NEB: variants seen among roughly 807,000 people sequenced by gnomAD.
The protein encoded by NEB is nemaline myopathy type 2.
In NEB, 512 loss-of-function variants were observed where a neutral mutation model predicts 952.2. The ratio of observed to expected loss-of-function variants is 0.54; its 90% CI spans 0.50 to 0.58. NEB has a LOEUF of 0.58. Among genes scored for constraint, NEB ranks in the 20% least tolerant of loss-of-function variants. The pLI is 0.00. For missense variants in NEB, 8,428 were observed against 9,231.1 expected (o/e 0.91, Z 3.56); for synonymous variants, 2,900 against 3,149.8 (o/e 0.92, Z 2.66).
In NEB at chr2:151,717,294, T is replaced by C. The variant is rs142872250; in HGVS notation, c.822+122A>G. On this transcript the variant is annotated intron_variant, in intron 10 of 181. Coordinates refer to ENST00000397345, the MANE Select transcript of NEB (RefSeq NM_001164508.2). ...TGCTGTAGAGTCTTTGGGGATCATA[T>C]GTAAAAATACTCCTAGTGTTTGTGT... is the stretch of plus-strand genomic sequence containing the variant. 3.2e-4 allele frequency: 236 copies of C among 731,426 alleles called. 1 individual carries two copies. The African/African-American group carries it at 3.3e-3, about 10-fold the overall frequency. 45.3% of individuals were successfully genotyped at this position (731,426 alleles called of 1,614,324 possible). A position where few individuals can be genotyped will look rare whatever the true frequency, so the allele number is the denominator to read the frequency against.
Position 151,727,732 on chromosome 2 carries a change from AG to A in NEB, c.252del (p.Tyr85ThrfsTer66). The A allele has an allele frequency of 6.2e-7, 1 of 1,613,624 alleles. No individual in the cohort carries two copies. Among genetic ancestry groups the A allele is most frequent in the Non-Finnish European group, 8.5e-7 (1 of 1,179,688 alleles). On this transcript the variant is annotated frameshift_variant, in exon 5 of 182. Transcript: ENST00000397345. LOFTEE classifies it high-confidence loss of function. ...KKVDPSKFMT[P>X]YIAHSQKMQD... ...TGCATTTTCTGACTGTGTGCAATGT[AG>A]GGGGTCATGAACTTTGAAGGATCCA...
chr2:151,730,563 G>A (rs1445755136), intron 3 of NEB, among the ~76,000 whole-genome samples: 1 of 146,776 alleles, frequency 6.8e-6, no homozygotes, highest in Non-Finnish European at 1.5e-5. Flanking sequence ...GCTCGTTTAG[G>A]CCAAGCACAT....
Position 151,650,283 on chromosome 2 carries a change from T to C in NEB, c.7324A>G (p.Ile2442Val), listed in dbSNP as rs1553447698. ...AEKNKRASEI[I>V]SEKKYRQPPD... ...GGCTGACGATATTTCTTCTCACTGA[T>C]GATTTCCGAAGCCCGCTTGTTCTTT... Residue 2442 changes from isoleucine (I) to valine (V), a missense_variant, in exon 54 of 182, where the codon ATC becomes GTC. By Grantham distance (29) the Ile-to-Val change is conservative (BLOSUM62 3). This residue lies in a region of NEB where 1,772 missense variants were observed against 1,960.3 expected (regional missense o/e 0.90). Transcript: ENST00000397345. The C allele has an allele frequency of 1.2e-6, 2 of 1,613,928 alleles. No homozygotes were observed. Among genetic ancestry groups the C allele is most frequent in the Non-Finnish European group, 1.7e-6 (2 of 1,179,862 alleles).
At chr2:151,521,566 G>A (rs2082029346) in intron 153 of NEB, among the ~76,000 whole-genome samples, 1 of 152,194 alleles carries the variant, frequency 6.6e-6, no homozygotes, top group African/African-American at 2.4e-5. Context: ...CAGAGTCAGA[G>A]TAGGGAAGAA....
chr2:151,619,601 G>A lies in NEB; in HGVS notation c.10722C>T (p.Ser3574=). ...AAACGATACCAAGCATGTCCACTGGGCTGCTGTACCTTGTCTTGTATTTCT... is the reference window on the plus strand; with the variant it reads ...AAACGATACCAAGCATGTCCACTGGACTGCTGTACCTTGTCTTGTATTTCT... ...DFEKYKTRYS[S]PVDMLGIVLA... is the part of the protein sequence containing the mutation. Residue 3574 remains serine (S), a synonymous_variant, in exon 73 of 182, where the codon AGC becomes AGT. Transcript: ENST00000397345. 6.2e-7 allele frequency: 1 copy of A among 1,613,948 alleles called. No homozygotes were observed. The highest frequency in any genetic ancestry group is 8.5e-7 in the Non-Finnish European group (1 of 1,179,876).
At chr2:151,498,423 T>A (rs578076414) in intron 169 of NEB, 71 bp from the exon 170 acceptor site, 2 of 1,103,652 alleles carry the variant, frequency 1.8e-6, no homozygotes, top group Non-Finnish European at 2.6e-6. Context: ...TTTGGAGCAG[T>A]TGGGAGTGGG....
intron 108 of NEB, 50 bp from the exon 109 acceptor site, chr2:151,570,442 C>A (rs1339067861): frequency 4.4e-6 from 7 of 1,583,698 alleles, no homozygotes; most frequent in Non-Finnish European, 6.0e-6. Context: ...CCTCTTGATG[C>A]ACCTAGGGCA....
intron 113 of NEB, 52 bp from the exon 114 acceptor site, chr2:151,567,531 A>G: frequency 6.7e-7 from 1 of 1,501,592 alleles, no homozygotes; most frequent in Admixed American, 2.1e-5. Flanking sequence ...CACACAAGGC[A>G]GAGGGGGCTT....
At chr2:151,496,442 G>A (rs1292279255) in intron 172 of NEB, 74 bp from the exon 173 acceptor site, 4 of 1,505,770 alleles carry the variant, frequency 2.7e-6, no homozygotes, top group Middle Eastern at 1.7e-4. Context: ...TAAGGGTAAG[G>A]TCAACTTCCT....
In NEB at chr2:151,642,671, T is replaced by A. The variant is rs1382018237; in HGVS notation, c.8276A>T (p.Lys2759Met). The change falls in exon 60 of 182, where the codon AAG (lysine) becomes ATG (methionine). Residue 2759 changes from lysine (K) to methionine (M), a missense_variant. Lys to Met is a moderately conservative substitution (Grantham distance 95, BLOSUM62 -1). This residue lies in a region of NEB where 1,772 missense variants were observed against 1,960.3 expected (regional missense o/e 0.90). Coordinates refer to ENST00000397345, the MANE Select transcript of NEB (RefSeq NM_001164508.2). ...NKVNYSEKLYKLGLEEAKRKG... is the reference protein window; with the variant it reads ...NKVNYSEKLYMLGLEEAKRKG... ...CCTCTTGGCTTCTTCTAGGCCAAGCTTATACAATTTCTAAAATAGACATTA... is the reference window on the plus strand; with the variant it reads ...CCTCTTGGCTTCTTCTAGGCCAAGCATATACAATTTCTAAAATAGACATTA... 1 of 1,613,744 alleles carries A rather than the reference T, an allele frequency of 6.2e-7. No individual in the cohort carries two copies. Among genetic ancestry groups the A allele is most frequent in the South Asian group, 1.1e-5 (1 of 91,020 alleles).
At chr2:151,667,962 T>G in intron 39 of NEB, 51 bp from the exon 40 acceptor site, 1 of 1,394,150 alleles carries the variant, frequency 7.2e-7, no homozygotes, top group South Asian at 1.2e-5. Flanking sequence ...AAAAGAGGAA[T>G]GAAACAGAAT....
At chr2:151,635,980 A>G (rs957494979) in intron 64 of NEB, among the ~76,000 whole-genome samples, 3 of 152,224 alleles carry the variant, frequency 2.0e-5, no homozygotes, top group Non-Finnish European at 2.9e-5. Context: ...CAGGGTCCAC[A>G]TGAATGAATC....
At position 151,697,370 on chromosome 2, in the gene NEB, C is replaced by T; in HGVS notation, c.1345G>A (p.Val449Ile). 6.2e-7 allele frequency: 1 copy of T among 1,613,882 alleles called. No homozygotes were observed. The highest frequency in any genetic ancestry group is 8.5e-7 in the Non-Finnish European group (1 of 1,179,774). Reference sequence around the variant, plus strand: ...CTTACATCACTGTTTTGAGCTGTGACTTTCATGCAGTGTGAATGGTATGGA... The same window carrying T: ...CTTACATCACTGTTTTGAGCTGTGATTTTCATGCAGTGTGAATGGTATGGA... The part of the protein sequence containing the change: ...EDPYHSHCMK[V>I]TAQNSDKNYK... The change falls in exon 15 of 182, where the codon GTC becomes ATC. Residue 449 changes from valine (V) to isoleucine (I), a missense_variant. Val to Ile is a conservative substitution (Grantham distance 29). This residue lies in a region of NEB where 2,851 missense variants were observed against 2,791.5 expected (regional missense o/e 1.02). Transcript: ENST00000397345.
chr2:151,685,152 G>A (rs73007946), intron 27 of NEB, among the ~76,000 whole-genome samples, 177 bp from the exon 28 acceptor site: 166 of 152,184 alleles, frequency 1.1e-3, no homozygotes, highest in African/African-American at 3.8e-3. Flanking sequence ...CAAAAAGCAC[G>A]CATGGGCAGA....
chr2:151,567,535 G>A, intron 113 of NEB, 56 bp from the exon 114 acceptor site: 2 of 1,490,236 alleles, frequency 1.3e-6, no homozygotes. Flanking sequence ...CAAGGCAGAG[G>A]GGGCTTGATC....
chr2:151,551,156 A>G (rs1310076974), intron 129 of NEB, among the ~76,000 whole-genome samples: 1 of 151,770 alleles, frequency 6.6e-6, no homozygotes, highest in Non-Finnish European at 1.5e-5. Flanking sequence ...TTTAGTAGAG[A>G]TGGGGTTTCA....
intron 44 of NEB, among the ~76,000 whole-genome samples, 167 bp from the exon 45 acceptor site, chr2:151,664,026 T>C (rs956190660): frequency 4.6e-5 from 7 of 152,156 alleles, no homozygotes; most frequent in African/African-American, 1.7e-4. Context: ...ACTTCATTTT[T>C]TTTTTTCCCG....
intron 13 of NEB, among the ~76,000 whole-genome samples, chr2:151,698,986 A>G (rs2099623318): frequency 1.4e-5 from 2 of 138,552 alleles, no homozygotes; most frequent in Admixed American, 1.5e-4. Context: ...GTCATCTAGC[A>G]TTAGGTATAT....
chr2:151,666,065 T>C lies in NEB; in HGVS notation c.5031+25A>G, dbSNP rs935635683. On this transcript the variant is annotated intron_variant, in intron 41 of 181. Coordinates refer to ENST00000397345, the MANE Select transcript of NEB (RefSeq NM_001164508.2). ...TTTCCTCCCACCCATTAGAAATGGA[T>C]AACAACTTGGTAACCAGTACATACA... is the stretch of plus-strand genomic sequence containing the variant. 8.2e-6 allele frequency: 13 copies of C among 1,585,772 alleles called. No individual in the cohort carries two copies. In the African/African-American group the frequency reaches 1.2e-4, roughly 15 times the overall value.
Sources: gnomAD v4.1 joint callset for allele counts (sites outside exome capture counted in the v4.1 genomes callset) on GRCh38, gnomAD v4.1.1 for gene constraint, gnomAD v4.1.1 regional missense constraint, MANE v1.5 for transcripts, NCBI Gene and HGNC (gene_info 2026-07-23, HGNC 2026-07-21) for gene names.